The following KLHL1 variants were observed in gnomAD, a reference collection of about 807,000 sequenced individuals.
KLHL1 encodes the protein kelch like family member 1.
In KLHL1, 47 loss-of-function variants were observed where a neutral mutation model predicts 77.7. The ratio of observed to expected loss-of-function variants is 0.60; its 90% confidence interval spans 0.48 to 0.77. The LOEUF is 0.77. Among genes scored for constraint, KLHL1 ranks in the 30% least tolerant of loss-of-function variants. The probability of loss-of-function intolerance (pLI) is 0.00; values close to 1 mark genes in which losing one functional copy is unlikely to be tolerated. For synonymous variants in KLHL1, 360 were observed against 325.2 expected (o/e 1.11, Z -1.15); for missense variants, 925 against 910.8 (o/e 1.02, Z -0.20).
chr13:70,047,699 G>T, intron 1 of KLHL1, among the ~76,000 whole-genome samples: 1 of 151,986 alleles, frequency 6.6e-6, no homozygotes, highest in African/African-American at 2.4e-5. Context: ...TACACAAACT[G>T]AATTTTTTTA....
chr13:69,938,775 T>C (rs1883260148), intron 4 of KLHL1, among the ~76,000 whole-genome samples: 1 of 152,106 alleles, frequency 6.6e-6, no homozygotes, highest in African/African-American at 2.4e-5. Flanking sequence ...GAATTACAAA[T>C]TGCATATCTT....
rs753459470 is a variant in KLHL1 at position 70,107,605 on chromosome 13, G to A, written c.95C>T (p.Pro32Leu). The change falls in exon 1 of 11, where the codon CCG (proline) becomes CTG (leucine). Residue 32 changes from proline to leucine, a missense_variant. Transcript: ENST00000377844. ...FSHPSPSTGG[P>L]AGGGCLQQDG... is the part of the protein sequence containing the mutation. ...CTGTTGCAGGCAGCCTCCCCCCGCC[G>A]GGCCGCCGGTGGAAGGAGACGGGTG... 30 of 1,594,024 alleles carry A rather than the reference G, an allele frequency of 1.9e-5. No individual in the cohort carries two copies. Among genetic ancestry groups the A allele is most frequent in the Non-Finnish European group, 2.1e-5 (25 of 1,170,520 alleles).
chr13:69,936,229 G>T (rs1291682002), intron 4 of KLHL1, among the ~76,000 whole-genome samples: 1 of 152,102 alleles, frequency 6.6e-6, no homozygotes, highest in Non-Finnish European at 1.5e-5. Context: ...GAGAGCAATT[G>T]CATCTAACAT....
intron 1 of KLHL1, among the ~76,000 whole-genome samples, chr13:70,084,716 C>T (rs1887489914): frequency 7.0e-6 from 1 of 142,546 alleles, no homozygotes; most frequent in Non-Finnish European, 1.5e-5. Flanking sequence ...ACCTCGTGAT[C>T]CACCCGCCTC....
At chr13:70,007,489 T>C (rs1434101887) in intron 1 of KLHL1, among the ~76,000 whole-genome samples, 1 of 151,774 alleles carries the variant, frequency 6.6e-6, no homozygotes, top group East Asian at 1.9e-4. Context: ...AATTCAAACT[T>C]TGAGTTCCTG....
chr13:69,952,502 T>C (rs1404480837), intron 3 of KLHL1, among the ~76,000 whole-genome samples: 1 of 151,374 alleles, frequency 6.6e-6, no homozygotes, highest in Non-Finnish European at 1.5e-5. Context: ...ATCAGACTCA[T>C]GTAAGTGCCA....
intron 9 of KLHL1, among the ~76,000 whole-genome samples, chr13:69,716,715 C>G (rs561341415): frequency 2.6e-5 from 4 of 152,216 alleles, no homozygotes; most frequent in African/African-American, 9.6e-5. Context: ...GATCTGTTGC[C>G]TAGATTCCAA....
At chr13:69,706,627 T>G (rs1285060473) in intron 10 of KLHL1, among the ~76,000 whole-genome samples, 1 of 151,958 alleles carries the variant, frequency 6.6e-6, no homozygotes, top group African/African-American at 2.4e-5. Flanking sequence ...AAATAAAGCT[T>G]TAGAGCTGCA....
At chr13:69,919,822 A>T (rs1293105748) in intron 4 of KLHL1, among the ~76,000 whole-genome samples, 1 of 152,186 alleles carries the variant, frequency 6.6e-6, no homozygotes, top group Non-Finnish European at 1.5e-5. Flanking sequence ...AAATAAAAAT[A>T]AAAAAGGTCA....
intron 1 of KLHL1, among the ~76,000 whole-genome samples, chr13:70,040,429 C>A (rs1566524433): frequency 6.6e-6 from 1 of 152,108 alleles, no homozygotes; most frequent in African/African-American, 2.4e-5. Flanking sequence ...TGTAATAAAC[C>A]TGCACATGTA....
intron 4 of KLHL1, among the ~76,000 whole-genome samples, chr13:69,924,411 G>T (rs1882746588): frequency 6.6e-6 from 1 of 152,110 alleles, no homozygotes; most frequent in African/African-American, 2.4e-5. Context: ...GACTCAGCCA[G>T]ACTCGAGAGT....
intron 5 of KLHL1, among the ~76,000 whole-genome samples, chr13:69,839,470 T>C (rs1593876796): frequency 6.6e-6 from 1 of 152,092 alleles, no homozygotes; most frequent in Non-Finnish European, 1.5e-5. Flanking sequence ...AAATCAAGTA[T>C]AGTTACTTGT....
chr13:69,860,405 G>A (rs1242682180), intron 5 of KLHL1, among the ~76,000 whole-genome samples: 1 of 151,952 alleles, frequency 6.6e-6, no homozygotes, highest in Non-Finnish European at 1.5e-5. Flanking sequence ...TTGTAAGATA[G>A]TTGCCTCTTT....
chr13:69,797,033 C>T, intron 6 of KLHL1, 71 bp from the exon 7 acceptor site: 1 of 1,255,100 alleles, frequency 8.0e-7, no homozygotes, highest in East Asian at 2.3e-5. Flanking sequence ...AAGCAGGGTA[C>T]AAATTAGGAT....
intron 7 of KLHL1, among the ~76,000 whole-genome samples, chr13:69,783,230 ACAGAGCAGAAAACCTGGAAACTCTAAAAG>A (rs1566248020): frequency 1.3e-5 from 2 of 152,176 alleles, no homozygotes; most frequent in African/African-American, 4.8e-5. Flanking sequence ...TGGGGAAAAA[ACAGAGCAGAAAACCTGGAAACTCTAAAAG>A]CAGAGCACCT....
At chr13:69,925,451 T>C (rs926715416) in intron 4 of KLHL1, among the ~76,000 whole-genome samples, 1 of 152,210 alleles carries the variant, frequency 6.6e-6, no homozygotes, top group Non-Finnish European at 1.5e-5. Context: ...TCTTTGCTTT[T>C]TCTTGCCCCT....
At chr13:70,033,278 G>A (rs1248417504) in intron 1 of KLHL1, among the ~76,000 whole-genome samples, 3 of 151,784 alleles carry the variant, frequency 2.0e-5, no homozygotes, top group African/African-American at 7.3e-5. Flanking sequence ...ATAATTTTTT[G>A]TTTTGTTTTG....
chr13:70,090,078 A>G (rs1290831237), intron 1 of KLHL1, among the ~76,000 whole-genome samples: 1 of 152,104 alleles, frequency 6.6e-6, no homozygotes, highest in Non-Finnish European at 1.5e-5. Context: ...CTGTTTTTAT[A>G]TGGGAAATGA....
intron 6 of KLHL1, among the ~76,000 whole-genome samples, chr13:69,797,816 G>A (rs192516027): frequency 0.012 from 1,723 of 140,742 alleles, 14 homozygotes; most frequent in Non-Finnish European, 0.018. Context: ...GTGACAGAGC[G>A]AGACTCCATC....
Sources: allele counts gnomAD v4.1 joint callset (sites outside exome capture counted in the v4.1 genomes callset), GRCh38; gene constraint gnomAD v4.1.1; transcripts MANE v1.5; gene names NCBI Gene and HGNC (gene_info 2026-07-23, HGNC 2026-07-21).